Variants in APCDD1L observed in about 807,000 individuals in gnomAD.
The protein encoded by APCDD1L is protein APCDD1-like.
Under a neutral mutation model 24.2 loss-of-function variants are expected in APCDD1L, and 21 were observed. The ratio of observed to expected loss-of-function variants is 0.87; its 90% CI spans 0.61 to 1.25. The LOEUF is 1.25. Among genes scored for constraint, APCDD1L ranks in the 50% most tolerant of loss-of-function variants. APCDD1L has a pLI of 0.00. For missense variants in APCDD1L, 704 were observed against 711.7 expected (o/e 0.99, Z 0.12); for synonymous variants, 321 against 323.6 (o/e 0.99, Z 0.09).
chr20:58,501,563 A>C (rs1452337058), intron 1 of APCDD1L, among the ~76,000 whole-genome samples: 1 of 152,234 alleles, frequency 6.6e-6, no homozygotes, highest in East Asian at 1.9e-4. Flanking sequence ...TGGGCAAGAA[A>C]GAATTTCCGA....
At chr20:58,505,219 T>A (rs1379156276) in intron 1 of APCDD1L, among the ~76,000 whole-genome samples, 1 of 152,178 alleles carries the variant, frequency 6.6e-6, no homozygotes. Context: ...TTAAGTTTTT[T>A]ACAAATTATT....
chr20:58,469,167 G>A (rs974504884), intron 2 of APCDD1L, among the ~76,000 whole-genome samples: 1 of 151,998 alleles, frequency 6.6e-6, no homozygotes, highest in Non-Finnish European at 1.5e-5. Context: ...ATAATATTAC[G>A]TTTTCTTTAA....
intron 1 of APCDD1L, among the ~76,000 whole-genome samples, chr20:58,476,849 T>C (rs1009455336): frequency 2.6e-5 from 4 of 152,240 alleles, no homozygotes; most frequent in Admixed American, 6.5e-5. Context: ...CTTGAGGCTA[T>C]TGCCTGTGCT....
chr20:58,499,165 G>A (rs762222525), intron 1 of APCDD1L, among the ~76,000 whole-genome samples: 6 of 152,120 alleles, frequency 3.9e-5, no homozygotes, highest in African/African-American at 9.7e-5. Flanking sequence ...GACCTTCATC[G>A]GCATGGTCCA....
chr20:58,461,157 C>G lies in APCDD1L; in HGVS notation c.1139G>C (p.Gly380Ala), dbSNP rs906387766. The change falls in exon 4 of 4, where the codon GGG becomes GCG. Residue 380 changes from glycine (G) to alanine (A), a missense_variant. Gly to Ala is a moderately conservative substitution (Grantham distance 60). Coordinates refer to ENST00000371149, the MANE Select transcript of APCDD1L (RefSeq NM_153360.3). The surrounding 1 kb of genome is among the most constrained non-coding windows in gnomAD (Gnocchi z 6.0). ...GCCCATGGACCAGGCCCCCGCACCC[C>G]CACAGCTGCTTGGCTCAGAGAAGTT... ...MLNFSEPSSC[G>A]GAGAWSMGTE... 1 of 1,613,010 alleles carries G rather than the reference C, an allele frequency of 6.2e-7. No homozygotes were observed.
Position 58,463,901 on chromosome 20 carries a change from G to GGGA in APCDD1L, c.742-2348_742-2347insTCC, listed in dbSNP as rs1268805552. Among the ~76,000 whole-genome samples, 2 of 135,438 alleles carry GGGA rather than the reference G, an allele frequency of 1.5e-5. 1 individual carries two copies. Among genetic ancestry groups the GGGA allele is most frequent in the Non-Finnish European group, 3.2e-5 (2 of 61,944 alleles). 88.9% of individuals were successfully genotyped at this position (135,438 alleles called of 152,430 possible). On this transcript the variant is annotated intron_variant, in intron 3 of 3. Transcript: ENST00000371149. Reference sequence around the variant, plus strand: ...TTGAGAACAGTTTTTTTTTGGGGGGGGGGGGCGTCACATTTTATAAGCTGT... The same window carrying GGGA: ...TTGAGAACAGTTTTTTTTTGGGGGGGGGAGGGGGCGTCACATTTTATAAGCTGT...
chr20:58,469,573 G>A (rs1268061121), intron 2 of APCDD1L, among the ~76,000 whole-genome samples: 3 of 152,196 alleles, frequency 2.0e-5, no homozygotes, highest in Non-Finnish European at 4.4e-5. Flanking sequence ...TACAACCAGC[G>A]TCCCCCCTTC....
Position 58,461,522 on chromosome 20 carries a change from G to A in APCDD1L, c.774C>T (p.Leu258=). Residue 258 remains leucine, a synonymous_variant, in exon 4 of 4, where the codon CTC becomes CTT. Coordinates refer to ENST00000371149, the MANE Select transcript of APCDD1L (RefSeq NM_153360.3). This position sits in a 1 kb window ranked among gnomAD's most constrained non-coding sequence, Gnocchi z 6.0. ...GGTGGTGCACATCGGAGCGGGCAATGAGGCCACAGGCTGGGCACGGCTGCA... is the reference window on the plus strand; with the variant it reads ...GGTGGTGCACATCGGAGCGGGCAATAAGGCCACAGGCTGGGCACGGCTGCA... ...HHVQPCPACG[L]IARSDVHHPP... The A allele has an allele frequency of 6.9e-7, 1 of 1,445,468 alleles. No individual in the cohort carries two copies. Among genetic ancestry groups the A allele is most frequent in the Non-Finnish European group, 9.1e-7 (1 of 1,094,678 alleles). The allele number at this position is 1,445,468 out of a possible 1,614,324, so 89.5% of individuals were successfully genotyped here. A position where few individuals can be genotyped will look rare whatever the true frequency, so the allele number is the denominator to read the frequency against.
chr20:58,463,143 CAAAAAA>C (rs398036014), intron 3 of APCDD1L, among the ~76,000 whole-genome samples: 21 of 93,756 alleles, frequency 2.2e-4, no homozygotes, highest in South Asian at 4.6e-4. Flanking sequence ...CTCCATCTCA[CAAAAAA>C]AAAAAAAAAA....
At chr20:58,489,653 C>T (rs949532428) in intron 1 of APCDD1L, among the ~76,000 whole-genome samples, 11 of 151,264 alleles carry the variant, frequency 7.3e-5, no homozygotes, top group Non-Finnish European at 1.3e-4. Context: ...CACTGCACTC[C>T]AGCCTGGGCA....
rs774451058 is a variant in APCDD1L at position 58,467,566 on chromosome 20, T to G, written c.281A>C (p.Asp94Ala). The part of the protein sequence containing the change: ...LFRAHQFYYE[D>A]PFCGEPAHSL... ...GTGGGCAGGTTCCCCGCAGAAGGGG[T>G]CCTCGTAGTAGAACTGGTGGGCTCG... Residue 94 changes from aspartate (D) to alanine (A), a missense_variant, in exon 3 of 4, where the codon GAC (aspartate) becomes GCC (alanine). By Grantham distance (126) the Asp-to-Ala change is moderately radical. Transcript: ENST00000371149. The surrounding 1 kb of genome is among the most constrained non-coding windows in gnomAD (Gnocchi z 5.9). The G allele has an allele frequency of 1.0e-5, 16 of 1,580,144 alleles. No individual in the cohort carries two copies. The South Asian group carries it at 1.7e-4, about 17-fold the overall frequency.
intron 3 of APCDD1L, among the ~76,000 whole-genome samples, chr20:58,466,874 G>C (rs1989715612): frequency 6.6e-6 from 1 of 152,184 alleles, no homozygotes; most frequent in Non-Finnish European, 1.5e-5. Flanking sequence ...TGGGAAGGCC[G>C]ACCAGAGGCC....
rs761321669 is a variant in APCDD1L, at chr20:58,497,598, C to T, written c.49+17061G>A. 2.7e-4 allele frequency among the ~76,000 whole-genome samples: 41 copies of T among 152,112 alleles called. No individual in the cohort carries two copies. Among genetic ancestry groups the T allele is most frequent in the Non-Finnish European group, 2.4e-4 (16 of 68,020 alleles). On this transcript the variant is annotated intron_variant, in intron 1 of 3. Transcript: ENST00000371149. The surrounding 1 kb of genome is among the most constrained non-coding windows in gnomAD (Gnocchi z 4.3). ...ATCGTCTTCCTTCGACGCAGGTCTG[C>T]GTCCAAATATCCCCTTTCTATGAGG...
In APCDD1L at chr20:58,495,808, G is replaced by A. The variant is rs145729493; in HGVS notation, c.49+18851C>T. On this transcript the variant is annotated intron_variant, in intron 1 of 3. Coordinates refer to ENST00000371149, the MANE Select transcript of APCDD1L (RefSeq NM_153360.3). ...CAGAAACCTGTGCCTGCCACACTGCGCCCGGCACCTGGCTGGGGTCCCCAC... is the reference window on the plus strand; with the variant it reads ...CAGAAACCTGTGCCTGCCACACTGCACCCGGCACCTGGCTGGGGTCCCCAC... Among the ~76,000 whole-genome samples, 52 of 152,242 alleles carry A rather than the reference G, an allele frequency of 3.4e-4. 1 individual carries two copies. Among genetic ancestry groups the A allele is most frequent in the Middle Eastern group, 6.8e-3 (2 of 294 alleles).
chr20:58,509,533 T>G (rs1990589152), intron 1 of APCDD1L, among the ~76,000 whole-genome samples: 1 of 152,104 alleles, frequency 6.6e-6, no homozygotes, highest in Non-Finnish European at 1.5e-5. Flanking sequence ...AAGACGGGAC[T>G]AACAACTCAC....
intron 2 of APCDD1L, among the ~76,000 whole-genome samples, chr20:58,470,330 A>G (rs1989785892): frequency 1.3e-5 from 2 of 152,198 alleles, no homozygotes; most frequent in African/African-American, 4.8e-5. Flanking sequence ...TGTTGAGCGC[A>G]TGTCCCACTG....
chr20:58,490,149 A>G (rs1290331480), intron 1 of APCDD1L, among the ~76,000 whole-genome samples: 1 of 152,208 alleles, frequency 6.6e-6, no homozygotes, highest in Non-Finnish European at 1.5e-5. Context: ...TTGATTAAAA[A>G]TATTTTTTGT....
intron 1 of APCDD1L, among the ~76,000 whole-genome samples, chr20:58,509,873 T>C (rs1465641830): frequency 6.6e-6 from 1 of 152,186 alleles, no homozygotes; most frequent in African/African-American, 2.4e-5. Context: ...GAACACTCCA[T>C]TGCTCTTAAT....
Position 58,508,953 on chromosome 20 carries a change from C to A in APCDD1L, c.49+5706G>T, listed in dbSNP as rs1293021701. On this transcript the variant is annotated intron_variant, in intron 1 of 3. Coordinates refer to ENST00000371149, the MANE Select transcript of APCDD1L (RefSeq NM_153360.3). This position sits in a 1 kb window ranked among gnomAD's most constrained non-coding sequence, Gnocchi z 4.0. Reference sequence around the variant, plus strand: ...GTGTGCGTGAGTGTGTGTGAGTGTGCATGTGTGTCTGTGTGCGCACGTGTG... The same window carrying A: ...GTGTGCGTGAGTGTGTGTGAGTGTGAATGTGTGTCTGTGTGCGCACGTGTG... 6.6e-6 allele frequency among the ~76,000 whole-genome samples: 1 copy of A among 150,724 alleles called. No individual in the cohort carries two copies. The highest frequency in any genetic ancestry group is 1.5e-5 in the Non-Finnish European group (1 of 67,724).
Sources: allele counts gnomAD v4.1 joint callset (sites outside exome capture counted in the v4.1 genomes callset), GRCh38; gene constraint gnomAD v4.1.1; non-coding constraint Gnocchi (gnomAD v3.1); transcripts MANE v1.5; gene names NCBI Gene and HGNC (gene_info 2026-07-23, HGNC 2026-07-21).